KIF2A: variants seen among roughly 807,000 people sequenced by gnomAD.
KIF2A encodes the protein kinesin-like protein KIF2A.
Under a neutral mutation model 100.2 loss-of-function variants are expected in KIF2A, and 22 were observed. The ratio of observed to expected loss-of-function variants is 0.22; its 90% confidence interval spans 0.16 to 0.31. The LOEUF (loss-of-function observed/expected upper bound fraction) is 0.31, where lower values mean the gene tolerates loss of function less well. Among genes scored for constraint, KIF2A ranks in the 10% least tolerant of loss-of-function variants. KIF2A has a pLI of 1.00. For missense variants in KIF2A, 495 were observed against 898.7 expected (o/e 0.55, Z 5.74); for synonymous variants, 268 against 285.9 (o/e 0.94, Z 0.63).
At chr5:62,365,201 T>C (rs531503280) in intron 14 of KIF2A, 42 bp from the exon 15 acceptor site, 2 of 991,850 alleles carry the variant, frequency 2.0e-6, no homozygotes, top group East Asian at 5.0e-5. Context: ...TTATCCTTTA[T>C]AAGAAAGACT....
Position 62,366,359 on chromosome 5 carries a change from T to C in KIF2A, c.1579-55T>C, listed in dbSNP as rs558938970. 9 of 1,091,468 alleles carry C rather than the reference T, an allele frequency of 8.2e-6. No individual in the cohort carries two copies. In the African/African-American group the frequency reaches 9.3e-5, roughly 11 times the overall value. 67.6% of individuals were successfully genotyped at this position (1,091,468 alleles called of 1,614,324 possible). A position where few individuals can be genotyped will look rare whatever the true frequency, so the allele number is the denominator to read the frequency against. On this transcript the variant is annotated intron_variant, in intron 15 of 20. Transcript: ENST00000407818. ...CTAAATGAGCTGTATGTCAGTATTA[T>C]TGTCTTGATCATTTATAACATTTTG...
At position 62,308,729 on chromosome 5, in the gene KIF2A, A is replaced by C. The variant is rs115623703; in HGVS notation, c.64+2193A>C. 5.3e-3 allele frequency among the ~76,000 whole-genome samples: 800 copies of C among 152,328 alleles called. 10 individuals carry two copies. The highest frequency in any genetic ancestry group is 0.018 in the African/African-American group (753 of 41,562). ...ATGTAGAATATTTTTTTAAGGAGCT[A>C]AAATACACAGAACGAAACAGTGGTT... On this transcript the variant is annotated intron_variant, in intron 1 of 20. Transcript: ENST00000407818.
At chr5:62,361,791 G>T (rs1281997454) in intron 11 of KIF2A, among the ~76,000 whole-genome samples, 1 of 151,848 alleles carries the variant, frequency 6.6e-6, no homozygotes, top group African/African-American at 2.4e-5. Context: ...GGAGGCCAAG[G>T]TGGGTGGATC....
chr5:62,332,168 A>G (rs1432467636), intron 1 of KIF2A, among the ~76,000 whole-genome samples: 3 of 152,228 alleles, frequency 2.0e-5, no homozygotes, highest in African/African-American at 7.2e-5. Flanking sequence ...AATTGTCAAC[A>G]TGTAAAACTT....
chr5:62,332,145 G>T (rs906843138), intron 1 of KIF2A, among the ~76,000 whole-genome samples: 2 of 152,160 alleles, frequency 1.3e-5, no homozygotes, highest in Non-Finnish European at 2.9e-5. Flanking sequence ...CCTGTTTTCA[G>T]AGACCAAAAG....
At chr5:62,314,758 G>T (rs865981127) in intron 1 of KIF2A, among the ~76,000 whole-genome samples, 26 of 100,878 alleles carry the variant, frequency 2.6e-4, no homozygotes, top group Admixed American at 6.5e-4. Flanking sequence ...AGAATGAACT[G>T]TTTTTTTTTT....
intron 17 of KIF2A, among the ~76,000 whole-genome samples, chr5:62,373,180 T>G (rs1328728562): frequency 2.0e-5 from 3 of 152,098 alleles, no homozygotes; most frequent in Non-Finnish European, 4.4e-5. Flanking sequence ...TCTTTATACA[T>G]TATAAATAAA....
At chr5:62,352,530 A>C (rs1456814571) in intron 4 of KIF2A, 58 bp from the exon 5 acceptor site, 1 of 1,347,342 alleles carries the variant, frequency 7.4e-7, no homozygotes, top group Non-Finnish European at 1.0e-6. Flanking sequence ...CCTTTTACTA[A>C]GGTTAGCTTT....
In KIF2A at chr5:62,306,429, C is replaced by T. The variant is rs763362494; in HGVS notation, c.-44C>T. 3.3e-6 allele frequency: 5 copies of T among 1,492,618 alleles called. No individual in the cohort carries two copies. Among genetic ancestry groups the T allele is most frequent in the East Asian group, 2.6e-5 (1 of 39,148 alleles). 92.5% of individuals were successfully genotyped at this position (1,492,618 alleles called of 1,614,324 possible). On this transcript the variant is annotated 5_prime_UTR_variant, in exon 1 of 21. Transcript: ENST00000407818. Reference sequence around the variant, plus strand: ...CCCCCTCCCCGCCTTTTCCGCCCTCCGGTCCCCCTCCCTCGGCCCGCTGCT... The same window carrying T: ...CCCCCTCCCCGCCTTTTCCGCCCTCTGGTCCCCCTCCCTCGGCCCGCTGCT...
At chr5:62,358,116 G>T in intron 8 of KIF2A, 21 bp from the exon 9 acceptor site, 1 of 1,507,126 alleles carries the variant, frequency 6.6e-7, no homozygotes, top group South Asian at 1.3e-5. Flanking sequence ...ATTGGGCATT[G>T]ATTTTCATTT....
At position 62,385,652 on chromosome 5, in the gene KIF2A, T is replaced by A. The variant is rs1170537007; in HGVS notation, c.*83T>A. 2 of 963,108 alleles carry A rather than the reference T, an allele frequency of 2.1e-6. No homozygotes were observed. Among genetic ancestry groups the A allele is most frequent in the East Asian group, 5.3e-5 (2 of 37,598 alleles). The allele number at this position is 963,108 out of a possible 1,614,324, so 59.7% of individuals were successfully genotyped here. ...TCAGCTGTAAGGGCCATTTGAAAGT[T>A]TGGAATTTTAAGTGTCTGTGGAAAA... On this transcript the variant is annotated 3_prime_UTR_variant, in exon 21 of 21. Transcript: ENST00000407818.
intron 1 of KIF2A, among the ~76,000 whole-genome samples, chr5:62,318,837 CATATCTCCATTTGG>C (rs1745963459): frequency 6.6e-6 from 1 of 152,156 alleles, no homozygotes; most frequent in Non-Finnish European, 1.5e-5. Context: ...TGGATTACTG[CATATCTCCATTTGG>C]ATATCTCATA....
chr5:62,310,613 C>A (rs916980630), intron 1 of KIF2A, among the ~76,000 whole-genome samples: 1 of 151,054 alleles, frequency 6.6e-6, no homozygotes, highest in Non-Finnish European at 1.5e-5. Context: ...TCAGGAACTA[C>A]AGCGTTAATT....
intron 1 of KIF2A, among the ~76,000 whole-genome samples, chr5:62,326,745 C>T (rs1022999268): frequency 6.6e-6 from 1 of 151,962 alleles, no homozygotes; most frequent in African/African-American, 2.4e-5. Flanking sequence ...CCTATAATCC[C>T]AGCACTTTGG....
At chr5:62,385,453 A>C (rs767676886) in intron 20 of KIF2A, 31 bp from the exon 21 acceptor site, 2 of 1,471,824 alleles carry the variant, frequency 1.4e-6, no homozygotes, top group African/African-American at 2.8e-5. Context: ...GTAATACAAT[A>C]CTTATTCCCT....
At chr5:62,358,589 A>T (rs569315763) in intron 9 of KIF2A, among the ~76,000 whole-genome samples, 2 of 152,312 alleles carry the variant, frequency 1.3e-5, no homozygotes, top group South Asian at 4.1e-4. Context: ...AAATTTCGGG[A>T]AAATGTTAAC....
chr5:62,315,051 C>G (rs892689944), intron 1 of KIF2A, among the ~76,000 whole-genome samples: 5 of 152,088 alleles, frequency 3.3e-5, no homozygotes, highest in Non-Finnish European at 7.4e-5. Flanking sequence ...GTGTGAGCCA[C>G]TACACCCGGC....
At chr5:62,308,353 A>G (rs2111759093) in intron 1 of KIF2A, 2 of 1,466,352 alleles carry the variant, frequency 1.4e-6, no homozygotes, top group Non-Finnish European at 1.8e-6. Flanking sequence ...GGATTTACAT[A>G]TTATTTTGAA....
chr5:62,347,653 T>C (rs1747641955), intron 2 of KIF2A, among the ~76,000 whole-genome samples: 1 of 152,030 alleles, frequency 6.6e-6, no homozygotes, highest in East Asian at 1.9e-4. Context: ...TGAGACAGGG[T>C]CTCACTTTGT....
Sources: gnomAD v4.1 joint callset for allele counts (sites outside exome capture counted in the v4.1 genomes callset) on GRCh38, gnomAD v4.1.1 for gene constraint, MANE v1.5 for transcripts, NCBI Gene and HGNC (gene_info 2026-07-23, HGNC 2026-07-21) for gene names.